ADCY2: variants seen among roughly 807,000 people sequenced by gnomAD.
ADCY2 encodes adenylate cyclase 2, also known as adenylate cyclase type 2.
In ADCY2, 31 loss-of-function variants were observed where a neutral mutation model predicts 125.2. The ratio of observed to expected loss-of-function variants is 0.25; its 90% CI spans 0.19 to 0.33. The LOEUF is 0.33. Ranked by LOEUF, ADCY2 falls within the 10% of genes least tolerant of loss-of-function variation. The pLI is 1.00. For missense variants in ADCY2, 904 were observed against 1,418.2 expected, an observed-to-expected ratio of 0.64 and a Z score of 5.82; for synonymous variants, 512 against 548.4, an observed-to-expected ratio of 0.93 and a Z score of 0.93.
At chr5:7,410,952 G>A (rs1368471026) in intron 1 of ADCY2, among the ~76,000 whole-genome samples, 1 of 152,082 alleles carries the variant, frequency 6.6e-6, no homozygotes, top group African/African-American at 2.4e-5. Context: ...GGAGAGAGGA[G>A]AAGCTGTCAT....
chr5:7,690,922 C>T, intron 5 of ADCY2, 83 bp downstream of exon 5: 1 of 1,371,518 alleles, frequency 7.3e-7, no homozygotes, highest in Non-Finnish European at 9.6e-7. Context: ...CACCTCATAT[C>T]ACCATCTCTC....
intron 20 of ADCY2, among the ~76,000 whole-genome samples, chr5:7,792,094 C>T (rs768600159): frequency 9.2e-5 from 14 of 151,862 alleles, no homozygotes; most frequent in African/African-American, 1.5e-4. Context: ...GAGCTGAGGC[C>T]GGGCGCGGTG....
chr5:7,441,361 G>T (rs556707385), intron 2 of ADCY2, among the ~76,000 whole-genome samples: 1 of 152,194 alleles, frequency 6.6e-6, no homozygotes, highest in East Asian at 1.9e-4. Flanking sequence ...TTCGAGTGAA[G>T]ATGCTTCGCT....
At chr5:7,637,272 C>G (rs1237664305) in intron 4 of ADCY2, among the ~76,000 whole-genome samples, 1 of 151,854 alleles carries the variant, frequency 6.6e-6, no homozygotes, top group African/African-American at 2.4e-5. Context: ...GAGTTCAAGA[C>G]CAGCCTGGCC....
intron 7 of ADCY2, among the ~76,000 whole-genome samples, chr5:7,702,638 T>C (rs1741126590): frequency 6.6e-6 from 1 of 152,232 alleles, no homozygotes; most frequent in South Asian, 2.1e-4. Context: ...TGATGGACAT[T>C]TGGGTTGGTT....
chr5:7,568,854 T>C (rs10780105), intron 3 of ADCY2, among the ~76,000 whole-genome samples: 87,486 of 152,018 alleles, frequency 0.58, 26,857 homozygotes, highest in Non-Finnish European at 0.69. Context: ...ACATTTTTTT[T>C]CCTCAGTTTG....
rs185409192 is a variant in ADCY2 at position 7,717,432 on chromosome 5, C to A, written c.1703+195C>A. Among the ~76,000 whole-genome samples the A allele has an allele frequency of 2.0e-5, 3 of 152,200 alleles. No individual in the cohort carries two copies. In the East Asian group the frequency reaches 5.8e-4, roughly 29 times the overall value. ...CTTTTTAAAAAATATTTAATCCCTG[C>A]CTAGAAAATATTCCCAAGTTGATTG... On this transcript the variant is annotated intron_variant, in intron 12 of 24. Transcript: ENST00000338316.
At chr5:7,433,468 T>A (rs1426847811) in intron 2 of ADCY2, among the ~76,000 whole-genome samples, 1 of 152,152 alleles carries the variant, frequency 6.6e-6, no homozygotes, top group Non-Finnish European at 1.5e-5. Flanking sequence ...CAAGCTGTAT[T>A]TCTTTAATAT....
intron 3 of ADCY2, among the ~76,000 whole-genome samples, chr5:7,545,313 C>A (rs1735114684): frequency 6.6e-6 from 1 of 152,196 alleles, no homozygotes; most frequent in South Asian, 2.1e-4. Flanking sequence ...TTACCAGGGT[C>A]AGTATCCACT....
chr5:7,527,893 C>T (rs1440499448), intron 3 of ADCY2, among the ~76,000 whole-genome samples: 1 of 152,126 alleles, frequency 6.6e-6, no homozygotes, highest in Admixed American at 6.6e-5. Context: ...CAGCAGGTTA[C>T]CAGCTGCCCG....
At chr5:7,475,214 CGAA>C (rs1391526177) in intron 2 of ADCY2, among the ~76,000 whole-genome samples, 2 of 152,174 alleles carry the variant, frequency 1.3e-5, no homozygotes, top group East Asian at 1.9e-4. Context: ...ACCGGAAGTG[CGAA>C]GAAGATCAGA....
chr5:7,818,013 C>T (rs933975279), intron 23 of ADCY2, among the ~76,000 whole-genome samples: 6 of 152,066 alleles, frequency 3.9e-5, no homozygotes, highest in South Asian at 2.1e-4. Flanking sequence ...AGCTTGGTTG[C>T]GATGTGTGCA....
intron 2 of ADCY2, among the ~76,000 whole-genome samples, chr5:7,471,252 A>T (rs2126456791): frequency 6.6e-6 from 1 of 152,072 alleles, no homozygotes; most frequent in Middle Eastern, 3.4e-3. Context: ...TTTTAGAGTG[A>T]CATAATTATT....
At chr5:7,652,452 G>A (rs149900561) in intron 4 of ADCY2, among the ~76,000 whole-genome samples, 150 of 152,248 alleles carry the variant, frequency 9.9e-4, no homozygotes, top group African/African-American at 3.4e-3. Flanking sequence ...AAGCGTGGCC[G>A]TATAGTTAAC....
rs530475446 is a variant in ADCY2 at position 7,402,247 on chromosome 5, G to A, written c.210+5741G>A. Among the ~76,000 whole-genome samples the A allele has an allele frequency of 3.2e-4, 49 of 152,286 alleles. No individual in the cohort carries two copies. In the South Asian group the frequency reaches 3.9e-3, roughly 12 times the overall value. ...ACATCTCCGTGCCTTATATCCAAAC[G>A]TTTGGGAGGACAGAAAAGGATTAAG... On this transcript the variant is annotated intron_variant, in intron 1 of 24. Transcript: ENST00000338316.
chr5:7,443,630 ACT>A lies in ADCY2; in HGVS notation c.408+28863_408+28864del, dbSNP rs1487242373. Among the ~76,000 whole-genome samples, 8 of 128,600 alleles carry A rather than the reference ACT, an allele frequency of 6.2e-5. No individual in the cohort carries two copies. The East Asian group carries it at 1.8e-3, about 29-fold the overall frequency. The allele number at this position is 128,600 out of a possible 152,430, so 84.4% of individuals were successfully genotyped here. A position where few individuals can be genotyped will look rare whatever the true frequency, so the allele number is the denominator to read the frequency against. The stretch of plus-strand genomic sequence containing the variant: ...ACTCCAGCCTGGGCGACAGAGTAAG[ACT>A]CTGTCTCAAAAAAAAAAAAAAAAAA... On this transcript the variant is annotated intron_variant, in intron 2 of 24. Coordinates refer to ENST00000338316, the MANE Select transcript of ADCY2 (RefSeq NM_020546.3).
intron 2 of ADCY2, among the ~76,000 whole-genome samples, chr5:7,467,930 G>A (rs1049690312): frequency 1.1e-4 from 16 of 152,080 alleles, no homozygotes; most frequent in African/African-American, 3.6e-4. Context: ...CAAAAATATC[G>A]CCACTTTATG....
chr5:7,429,951 T>C (rs990413516), intron 2 of ADCY2, among the ~76,000 whole-genome samples: 1 of 151,494 alleles, frequency 6.6e-6, no homozygotes, highest in Admixed American at 6.6e-5. Context: ...TTAGTAAAAT[T>C]GGTGAAACTC....
At chr5:7,679,278 C>T (rs987947543) in intron 4 of ADCY2, among the ~76,000 whole-genome samples, 3 of 151,916 alleles carry the variant, frequency 2.0e-5, no homozygotes, top group Non-Finnish European at 4.4e-5. Context: ...CCCGGGGGAG[C>T]GTGCTCCAGT....
Sources: gnomAD v4.1 joint callset for allele counts (sites outside exome capture counted in the v4.1 genomes callset) on GRCh38, gnomAD v4.1.1 for gene constraint, MANE v1.5 for transcripts, NCBI Gene and HGNC (gene_info 2026-07-23, HGNC 2026-07-21) for gene names.